The following DMD variants were observed in gnomAD, a reference collection of about 807,000 sequenced individuals.
DMD encodes the protein mutant dystrophin.
A neutral mutation model predicts 330.1 loss-of-function variants in DMD; 63 were observed. The observed-to-expected ratio is 0.19, with a 90% CI of 0.16 to 0.24. The LOEUF (loss-of-function observed/expected upper bound fraction) is 0.24, where lower values mean the gene tolerates loss of function less well. Among genes scored for constraint, DMD ranks in the 10% least tolerant of loss-of-function variants. DMD has a pLI of 1.00. For missense variants in DMD, 3,344 were observed against 2,684.1 expected (o/e 1.25, Z -5.43); for synonymous variants, 1,223 against 959.8 (o/e 1.27, Z -5.07).
At chrX:33,220,984 G>T (rs1320821449) in intron 1 of DMD, among the ~76,000 whole-genome samples, 1 of 111,740 alleles carries the variant, frequency 8.9e-6, no homozygotes, top group East Asian at 2.8e-4. Flanking sequence ...GGGAAATAAA[G>T]AAATTTATGA....
chrX:32,019,063 A>C (rs747191042), intron 44 of DMD, among the ~76,000 whole-genome samples: 1 of 111,115 alleles, frequency 9.0e-6, no homozygotes, highest in Non-Finnish European at 1.9e-5. Flanking sequence ...AAGCTGTATT[A>C]ACTTTGTTTT....
intron 2 of DMD, among the ~76,000 whole-genome samples, chrX:32,934,902 G>T (rs1000997894): frequency 1.8e-5 from 2 of 112,726 alleles, no homozygotes; most frequent in Non-Finnish European, 3.7e-5. Flanking sequence ...ATGCATGTAT[G>T]CCAAAACAAT....
intron 49 of DMD, among the ~76,000 whole-genome samples, chrX:31,827,839 G>A (rs1358396934): frequency 9.0e-6 from 1 of 111,605 alleles, no homozygotes; most frequent in Non-Finnish European, 1.9e-5. Context: ...CAATGAAATT[G>A]AGATGGAAAT....
At chrX:32,412,088 G>C (rs1237455977) in intron 29 of DMD, 175 bp from the exon 30 acceptor site, 35 of 1,173,405 alleles carry the variant, frequency 3.0e-5, no homozygotes, top group Non-Finnish European at 3.9e-5. Context: ...AAAATGTGAA[G>C]GAGAAAAATA....
chrX:33,272,164 G>A (rs141892312), intron 1 of DMD, among the ~76,000 whole-genome samples: 6,279 of 112,257 alleles, frequency 0.056, 147 homozygotes, highest in Non-Finnish European at 0.065. Context: ...GATTACAGGC[G>A]TGAGCCTCCA....
At chrX:32,013,118 T>C (rs1471811081) in intron 44 of DMD, among the ~76,000 whole-genome samples, 1 of 60,375 alleles carries the variant, frequency 1.7e-5, no homozygotes, top group Non-Finnish European at 3.5e-5. Context: ...AGATGGAATC[T>C]TGCTGTTGCC....
Position 33,051,385 on chromosome X carries a change from T to C in DMD, c.32-31185A>G, listed in dbSNP as rs759164008. ...CACCACCACGCCTGGCTAATTGTTGTATTTTTAGTAGAGAAGGGGTTTCAT... is the reference window on the plus strand; with the variant it reads ...CACCACCACGCCTGGCTAATTGTTGCATTTTTAGTAGAGAAGGGGTTTCAT... On this transcript the variant is annotated intron_variant, in intron 1 of 78. Coordinates refer to ENST00000357033, the MANE Select transcript of DMD (RefSeq NM_004006.3). 2.7e-4 allele frequency among the ~76,000 whole-genome samples: 29 copies of C among 107,901 alleles called. 1 individual carries two copies. The Admixed American group carries it at 2.7e-3, about 10-fold the overall frequency. The allele number at this position is 107,901 out of a possible 115,157, so 93.7% of individuals were successfully genotyped here.
chrX:32,998,884 C>T (rs1299654574), intron 2 of DMD, among the ~76,000 whole-genome samples: 1 of 111,844 alleles, frequency 8.9e-6, no homozygotes, highest in African/African-American at 3.2e-5. Context: ...ATGTTAGGCA[C>T]TCACAGCTAG....
At chrX:32,681,598 A>C (rs761893570) in intron 9 of DMD, among the ~76,000 whole-genome samples, 3 of 111,699 alleles carry the variant, frequency 2.7e-5, no homozygotes. Context: ...CTGCTCCCTT[A>C]AGTATTGCTG....
intron 2 of DMD, among the ~76,000 whole-genome samples, chrX:32,864,025 TTTAAAGGAGAACGTCTGTCACTG>T (rs1462466919): frequency 8.9e-6 from 1 of 112,745 alleles, no homozygotes; most frequent in African/African-American, 3.2e-5. Flanking sequence ...GGATAAAATA[TTTAAAGGAGAACGTCTGTCACTG>T]CTATGCTTTA....
intron 67 of DMD, among the ~76,000 whole-genome samples, chrX:31,198,554 A>G (rs751110573): frequency 1.8e-5 from 2 of 112,369 alleles, no homozygotes; most frequent in East Asian, 5.5e-4. Flanking sequence ...AATGAGTACT[A>G]TTATGTGTCC....
chrX:32,250,794 C>T (rs2097260497), intron 43 of DMD, among the ~76,000 whole-genome samples: 2 of 111,953 alleles, frequency 1.8e-5, no homozygotes, highest in East Asian at 2.8e-4. Flanking sequence ...CTTCATACCT[C>T]GATGGTTTTT....
chrX:32,825,266 G>T (rs776056776), intron 4 of DMD, among the ~76,000 whole-genome samples: 2 of 111,417 alleles, frequency 1.8e-5, no homozygotes, highest in African/African-American at 6.5e-5. Flanking sequence ...CTTAGATCAA[G>T]TAATAGGAAC....
chrX:32,418,871 G>T (rs1479139138), intron 29 of DMD, among the ~76,000 whole-genome samples: 1 of 105,792 alleles, frequency 9.5e-6, no homozygotes, highest in Admixed American at 1.0e-4. Flanking sequence ...TACGCAGGAG[G>T]CTGAGGCAGG....
At chrX:32,865,954 T>G (rs1180865512) in intron 2 of DMD, among the ~76,000 whole-genome samples, 1 of 112,383 alleles carries the variant, frequency 8.9e-6, no homozygotes, top group Non-Finnish European at 1.9e-5. Context: ...ATTTCCCTGC[T>G]TCTTAAATCT....
chrX:33,043,652 G>C (rs985286425), intron 1 of DMD, among the ~76,000 whole-genome samples: 2 of 111,495 alleles, frequency 1.8e-5, no homozygotes, highest in Non-Finnish European at 3.8e-5. Context: ...AAACCAAACT[G>C]TCTTTACTTT....
rs2092280100 is a variant in DMD, at chrX:32,969,027, C to CCAAAAAAAAAAAAAAA, written c.93+51111_93+51112insTTTTTTTTTTTTTTTG. ...TGGGAGACAGAATGAGATTCTGTCT[C>CCAAAAAAAAAAAAAAA]AAAAAAAAAAAAAAAAAAAAAAAAA... On this transcript the variant is annotated intron_variant, in intron 2 of 78. Transcript: ENST00000357033. Among the ~76,000 whole-genome samples the CCAAAAAAAAAAAAAAA allele has an allele frequency of 4.5e-4, 9 of 19,823 alleles. 2 individuals are homozygous for CCAAAAAAAAAAAAAAA. The highest frequency in any genetic ancestry group is 0.011 in the South Asian group (1 of 87). 17.2% of individuals were successfully genotyped at this position (19,823 alleles called of 115,157 possible). A position where few individuals can be genotyped will look rare whatever the true frequency, so the allele number is the denominator to read the frequency against.
intron 13 of DMD, among the ~76,000 whole-genome samples, chrX:32,584,182 G>C (rs1250706388): frequency 2.7e-5 from 3 of 111,412 alleles, no homozygotes; most frequent in Non-Finnish European, 5.7e-5. Context: ...AACTGAAATA[G>C]TATTCCGCCT....
At chrX:33,279,535 G>A (rs1015487915) in intron 1 of DMD, among the ~76,000 whole-genome samples, 2 of 109,958 alleles carry the variant, frequency 1.8e-5, no homozygotes, top group Non-Finnish European at 3.8e-5. Flanking sequence ...TTGTGGATAC[G>A]TTTCTGTATG....
Sources: allele counts gnomAD v4.1 joint callset (sites outside exome capture counted in the v4.1 genomes callset), GRCh38; gene constraint gnomAD v4.1.1; transcripts MANE v1.5; gene names NCBI Gene and HGNC (gene_info 2026-07-23, HGNC 2026-07-21).